Variants in USB1 observed in about 807,000 individuals in gnomAD.
USB1 encodes the protein U6 snRNA biogenesis phosphodiesterase 1.
USB1 carries 21 observed loss-of-function variants against 29.9 expected under a neutral mutation model. The ratio of observed to expected loss-of-function variants is 0.70; its 90% CI spans 0.50 to 1.01. The LOEUF (loss-of-function observed/expected upper bound fraction) is 1.01. USB1 is among the 50% of genes least tolerant of loss of function. USB1 has a pLI of 0.00. For missense variants in USB1, 330 were observed against 347.1 expected (o/e 0.95, Z 0.39); for synonymous variants, 143 against 134.9 (o/e 1.06, Z -0.42).
chr16:58,008,360 T>G (rs1195758304), intron 2 of USB1, among the ~76,000 whole-genome samples: 1 of 152,190 alleles, frequency 6.6e-6, no homozygotes, highest in Non-Finnish European at 1.5e-5. Context: ...TAATTATTTC[T>G]TTACTTCTGC....
intron 2 of USB1, among the ~76,000 whole-genome samples, chr16:58,009,347 A>G (rs778521312): frequency 2.6e-5 from 4 of 152,188 alleles, no homozygotes; most frequent in Non-Finnish European, 5.9e-5. Context: ...CACTTCCCCT[A>G]GGTCAGTTAA....
rs1330532592 is a variant in USB1 at position 58,021,466 on chromosome 16, A to C, written c.*1221A>C. 1 of 152,262 alleles carries C rather than the reference A, an allele frequency of 6.6e-6. No individual in the cohort carries two copies. Among genetic ancestry groups the C allele is most frequent in the Non-Finnish European group, 1.5e-5 (1 of 68,048 alleles). The allele number at this position is 152,262 out of a possible 1,614,324, so 9.4% of individuals were successfully genotyped here. ...AACGTGGAGGAAGGGCCAGGGATGC[A>C]TGGGATTTTAATTGTTTCATCACAC... On this transcript the variant is annotated 3_prime_UTR_variant, in exon 7 of 7. Coordinates refer to ENST00000219281, the MANE Select transcript of USB1 (RefSeq NM_024598.4).
At chr16:58,011,296 G>C in intron 3 of USB1, 10 of 1,426,230 alleles carry the variant, frequency 7.0e-6, no homozygotes, top group Non-Finnish European at 9.1e-6. Flanking sequence ...GGGGGCCTAT[G>C]GGGGTGAAAG....
At chr16:58,000,675 A>ACGGG (rs1036408958), upstream of USB1, among the ~76,000 whole-genome samples, 7 of 136,460 alleles carry the variant, frequency 5.1e-5, no homozygotes, top group Non-Finnish European at 7.9e-5. This position sits in a 1 kb window ranked among gnomAD's most constrained non-coding sequence, Gnocchi z 4.5. Context: ...AGACGGGCGG[A>ACGGG]CGGGCGGGCG....
At chr16:58,012,693 G>C (rs748411023) in intron 3 of USB1, 69 of 1,144,162 alleles carry the variant, frequency 6.0e-5, no homozygotes, top group Non-Finnish European at 6.7e-5. Flanking sequence ...CTTCCACAGA[G>C]AGTGCTTCCC....
chr16:58,007,372 GT>G (rs1262322531), intron 2 of USB1, among the ~76,000 whole-genome samples: 1 of 151,792 alleles, frequency 6.6e-6, no homozygotes, highest in Admixed American at 6.6e-5. Flanking sequence ...GGTAATTTTT[GT>G]TTGTTTGTTT....
rs1199815915 is a variant in USB1 at position 58,020,517 on chromosome 16, C to G, written c.*272C>G. ...CCTCTCTTCTCTCTTCCTCTCCTCT[C>G]TCTCTTCCTCTTCTCTCTCTTCCCC... On this transcript the variant is annotated 3_prime_UTR_variant, in exon 7 of 7. Transcript: ENST00000219281. 1 of 507,236 alleles carries G rather than the reference C, an allele frequency of 2.0e-6. No individual in the cohort carries two copies. 31.4% of individuals were successfully genotyped at this position (507,236 alleles called of 1,614,324 possible).
intron 3 of USB1, chr16:58,012,682 C>G (rs547894656): frequency 4.7e-5 from 55 of 1,165,912 alleles, no homozygotes; most frequent in Non-Finnish European, 3.1e-5. Context: ...GGCCCTTCCC[C>G]CTTCCACAGA....
chr16:58,014,906 A>G (rs1332271295), intron 4 of USB1, among the ~76,000 whole-genome samples: 3 of 151,902 alleles, frequency 2.0e-5, no homozygotes, highest in African/African-American at 7.3e-5. Flanking sequence ...GCGAAACCCC[A>G]TCTCCACTAA....
At chr16:58,009,364 G>C (rs1179857073) in intron 2 of USB1, among the ~76,000 whole-genome samples, 1 of 152,174 alleles carries the variant, frequency 6.6e-6, no homozygotes, top group Non-Finnish European at 1.5e-5. Context: ...TTAAGAGTCT[G>C]ATAAAACACT....
At chr16:58,011,479 C>G in intron 3 of USB1, 1 of 1,021,166 alleles carries the variant, frequency 9.8e-7, no homozygotes, top group Non-Finnish European at 1.2e-6. Context: ...GATCAAAACC[C>G]TGCTCTTTCA....
At chr16:58,008,196 G>A (rs1963406102) in intron 2 of USB1, among the ~76,000 whole-genome samples, 1 of 152,024 alleles carries the variant, frequency 6.6e-6, no homozygotes, top group South Asian at 2.1e-4. Context: ...TTTCATTCCT[G>A]ATTTTAGTAA....
intron 2 of USB1, among the ~76,000 whole-genome samples, chr16:58,005,531 C>T (rs1406225866): frequency 6.6e-6 from 1 of 152,114 alleles, no homozygotes; most frequent in African/African-American, 2.4e-5. Flanking sequence ...TCTGTATGGC[C>T]TGGTTTTTCC....
chr16:58,020,488 TC>T lies in USB1; in HGVS notation c.*244del. 11 of 560,460 alleles carry T rather than the reference TC, an allele frequency of 2.0e-5. No individual in the cohort carries two copies. The South Asian group carries it at 2.2e-4, about 11-fold the overall frequency. The allele number at this position is 560,460 out of a possible 1,614,324, so 34.7% of individuals were successfully genotyped here. ...CTCCTCTGTCTCTCTTCCTCTCCTC[TC>T]TTCCTCTCTTCTCTCTTCCTCTCCT... On this transcript the variant is annotated 3_prime_UTR_variant, in exon 7 of 7. Transcript: ENST00000219281.
At chr16:58,020,043 C>CT in intron 6 of USB1, 98 bp from the exon 7 acceptor site, 1 of 1,167,350 alleles carries the variant, frequency 8.6e-7, no homozygotes, top group Non-Finnish European at 1.3e-6. Flanking sequence ...TCAGCCTCGC[C>CT]CAGCCTCTGA....
intron 3 of USB1, chr16:58,011,856 T>C (rs891707794): frequency 9.1e-6 from 9 of 992,696 alleles, no homozygotes; most frequent in Admixed American, 5.8e-5. Context: ...AGACATCAAA[T>C]AGATGCTTGT....
At chr16:58,000,645 ACGGACCGATGGCCTTGCGGAGACGGG>A (rs1419732812), upstream of USB1, among the ~76,000 whole-genome samples, 1 of 143,854 alleles carries the variant, frequency 7.0e-6, no homozygotes, top group Non-Finnish European at 1.5e-5. This position sits in a 1 kb window ranked among gnomAD's most constrained non-coding sequence, Gnocchi z 4.5. Context: ...GGGCGGGCGG[ACGGACCGATGGCCTTGCGGAGACGGG>A]CGGACGGGCG....
At chr16:58,019,207 G>T in intron 6 of USB1, 152 bp downstream of exon 6, 1 of 770,776 alleles carries the variant, frequency 1.3e-6, no homozygotes, top group Non-Finnish European at 2.2e-6. Context: ...GTGACTCAAG[G>T]TGTGGCCCCT....
At chr16:58,010,402 T>C (rs915770434) in intron 3 of USB1, among the ~76,000 whole-genome samples, 5 of 152,136 alleles carry the variant, frequency 3.3e-5, no homozygotes, top group Non-Finnish European at 5.9e-5. Flanking sequence ...TGAGTTTTTT[T>C]CCACACCAAC....
Sources: allele counts gnomAD v4.1 joint callset (sites outside exome capture counted in the v4.1 genomes callset), GRCh38; gene constraint gnomAD v4.1.1; non-coding constraint Gnocchi (gnomAD v3.1); transcripts MANE v1.5; gene names NCBI Gene and HGNC (gene_info 2026-07-23, HGNC 2026-07-21).